The following MEIS1 variants were observed in gnomAD, a reference collection of about 807,000 sequenced individuals.
The protein encoded by MEIS1 is Meis homeobox 1, also known as homeobox protein Meis1.
MEIS1 carries 5 observed loss-of-function variants against 50.8 expected under a neutral mutation model. The observed-to-expected ratio is 0.10, with a 90% CI of 0.05 to 0.21. The LOEUF is 0.21. MEIS1 is among the 10% of genes least tolerant of loss of function. The pLI is 1.00. For synonymous variants in MEIS1, 176 were observed against 179.3 expected (o/e 0.98, Z 0.15); for missense variants, 318 against 517.3 (o/e 0.61, Z 3.74).
intron 8 of MEIS1, among the ~76,000 whole-genome samples, chr2:66,544,794 A>T: frequency 6.6e-6 from 1 of 152,186 alleles, no homozygotes; most frequent in East Asian, 1.9e-4. Context: ...GACAGAGGAA[A>T]AAAAGGGTAG....
intron 8 of MEIS1, among the ~76,000 whole-genome samples, chr2:66,538,543 C>T (rs1572888870): frequency 1.3e-5 from 2 of 152,164 alleles, no homozygotes; most frequent in Non-Finnish European, 2.9e-5. Flanking sequence ...AAGTCATCTA[C>T]TCCTACTCAC....
intron 7 of MEIS1, among the ~76,000 whole-genome samples, chr2:66,499,837 C>T (rs543919612): frequency 6.6e-6 from 1 of 152,102 alleles, no homozygotes; most frequent in South Asian, 2.1e-4. Flanking sequence ...AAAATGTTTC[C>T]ACTCTATACA....
intron 8 of MEIS1, among the ~76,000 whole-genome samples, chr2:66,517,242 A>T (rs147468904): frequency 3.3e-5 from 5 of 152,256 alleles, no homozygotes; most frequent in Non-Finnish European, 7.3e-5. Flanking sequence ...TATTTGAGAA[A>T]GGCAGTTTCT....
Position 66,439,976 on chromosome 2 carries a change from G to A in MEIS1, c.373G>A (p.Ala125Thr), listed in dbSNP as rs752841255. 1.8e-5 allele frequency: 29 copies of A among 1,610,316 alleles called. No individual in the cohort carries two copies. The highest frequency in any genetic ancestry group is 1.6e-5 in the Non-Finnish European group (19 of 1,178,430). The change falls in exon 3 of 13, where the codon GCC (alanine) becomes ACC (threonine). Residue 125 changes from alanine to threonine, a missense_variant. This residue lies in a region of MEIS1 where 75 missense variants were observed against 153.7 expected (regional missense o/e 0.49). Coordinates refer to ENST00000272369, the MANE Select transcript of MEIS1 (RefSeq NM_002398.3). ...ATTCAATGAAGATATAGCCGTGTTCGCCAAACAGGTCAGCAAAATAGATGT... is the reference window on the plus strand; with the variant it reads ...ATTCAATGAAGATATAGCCGTGTTCACCAAACAGGTCAGCAAAATAGATGT... ...ESFNEDIAVFAKQIRAEKPLF... is the reference protein window; with the variant it reads ...ESFNEDIAVFTKQIRAEKPLF...
intron 6 of MEIS1, among the ~76,000 whole-genome samples, chr2:66,445,902 C>T (rs1377155392): frequency 6.6e-6 from 1 of 152,192 alleles, no homozygotes; most frequent in Non-Finnish European, 1.5e-5. Context: ...AATCCCGTTC[C>T]TTCCCCCACT....
intron 7 of MEIS1, among the ~76,000 whole-genome samples, chr2:66,496,661 C>A (rs566722181): frequency 5.9e-5 from 9 of 152,186 alleles, no homozygotes; most frequent in Non-Finnish European, 1.3e-4. Flanking sequence ...GCTCTGAAAG[C>A]AGGAAGGGGC....
At chr2:66,470,766 A>C (rs1402077082) in intron 7 of MEIS1, among the ~76,000 whole-genome samples, 2 of 152,144 alleles carry the variant, frequency 1.3e-5, no homozygotes, top group African/African-American at 4.8e-5. Flanking sequence ...TCGAACACAG[A>C]AGTATTTATC....
At chr2:66,490,622 C>A (rs1673248619) in intron 7 of MEIS1, among the ~76,000 whole-genome samples, 1 of 151,982 alleles carries the variant, frequency 6.6e-6, no homozygotes, top group Admixed American at 6.6e-5. Flanking sequence ...ATGATTCAAG[C>A]CATGCATAGG....
intron 7 of MEIS1, among the ~76,000 whole-genome samples, chr2:66,497,992 TGTGGGG>T (rs1673450811): frequency 6.6e-6 from 1 of 151,422 alleles, no homozygotes; most frequent in African/African-American, 2.4e-5. Flanking sequence ...TTTGGGGGGC[TGTGGGG>T]GAAGAAAAAG....
chr2:66,566,283 G>A (rs968957432), intron 9 of MEIS1, among the ~76,000 whole-genome samples: 4 of 152,116 alleles, frequency 2.6e-5, no homozygotes, highest in African/African-American at 4.8e-5. Context: ...ATGCATTTTT[G>A]TTTTGAAAAC....
Position 66,521,820 on chromosome 2 carries a change from C to A in MEIS1, c.888+9526C>A, listed in dbSNP as rs372321876. Among the ~76,000 whole-genome samples, 4 of 152,286 alleles carry A rather than the reference C, an allele frequency of 2.6e-5. No individual in the cohort carries two copies. The South Asian group carries it at 6.2e-4, about 24-fold the overall frequency. On this transcript the variant is annotated intron_variant, in intron 8 of 12. Coordinates refer to ENST00000272369, the MANE Select transcript of MEIS1 (RefSeq NM_002398.3). ...CTGGCAAATCTACATGCAGAAAGGA[C>A]TGGCTTGTGATGTAAAATGGTACCT...
At chr2:66,516,599 G>A (rs1413361705) in intron 8 of MEIS1, among the ~76,000 whole-genome samples, 1 of 152,056 alleles carries the variant, frequency 6.6e-6, no homozygotes, top group Non-Finnish European at 1.5e-5. Context: ...GTGTGTGTGT[G>A]TGTGTGCGGC....
intron 7 of MEIS1, among the ~76,000 whole-genome samples, chr2:66,470,261 C>T (rs1236245630): frequency 2.0e-5 from 3 of 152,128 alleles, no homozygotes; most frequent in African/African-American, 7.2e-5. Context: ...TAATGTTGAC[C>T]TGCAAATTAA....
At chr2:66,460,007 C>T (rs1375631294) in intron 6 of MEIS1, among the ~76,000 whole-genome samples, 1 of 152,026 alleles carries the variant, frequency 6.6e-6, no homozygotes, top group Non-Finnish European at 1.5e-5. Context: ...CAAGGAATAC[C>T]TGGAAAGTGA....
At chr2:66,470,392 CTA>C (rs1010986237) in intron 7 of MEIS1, among the ~76,000 whole-genome samples, 1 of 152,090 alleles carries the variant, frequency 6.6e-6, no homozygotes, top group African/African-American at 2.4e-5. Context: ...ATCAAAAAGT[CTA>C]TATTATTAAC....
At chr2:66,554,472 C>T (rs1033684905) in intron 9 of MEIS1, among the ~76,000 whole-genome samples, 7 of 152,172 alleles carry the variant, frequency 4.6e-5, no homozygotes, top group African/African-American at 1.7e-4. Context: ...TTGGCTACGC[C>T]TCATCCATAG....
intron 7 of MEIS1, among the ~76,000 whole-genome samples, chr2:66,473,397 A>AAAAATATATATATATATAT: frequency 3.7e-5 from 4 of 107,606 alleles, no homozygotes; most frequent in African/African-American, 2.3e-4. Flanking sequence ...AAAAAAAAAA[A>AAAAATATATATATATATAT]ATATATATAT....
At chr2:66,564,425 C>T (rs762250257) in intron 9 of MEIS1, among the ~76,000 whole-genome samples, 31 of 152,228 alleles carry the variant, frequency 2.0e-4, no homozygotes, top group Non-Finnish European at 4.3e-4. Context: ...GAATAAATGT[C>T]GTTGGTGTTG....
chr2:66,511,010 G>A (rs1468735810), intron 7 of MEIS1, among the ~76,000 whole-genome samples: 1 of 151,954 alleles, frequency 6.6e-6, no homozygotes, highest in Non-Finnish European at 1.5e-5. Context: ...GCTCTTGGGT[G>A]TATTTTTTTT....
Sources: allele counts gnomAD v4.1 joint callset (sites outside exome capture counted in the v4.1 genomes callset), GRCh38; gene constraint gnomAD v4.1.1; regional missense constraint gnomAD v4.1.1; transcripts MANE v1.5; gene names NCBI Gene and HGNC (gene_info 2026-07-23, HGNC 2026-07-21).